The following AGGF1 variants were observed in gnomAD, a reference collection of about 807,000 sequenced individuals.
AGGF1 encodes angiogenic factor with G-patch and FHA domains 1.
Under a neutral mutation model 86.5 loss-of-function variants are expected in AGGF1, and 56 were observed. The ratio of observed to expected loss-of-function variants is 0.65; its 90% CI spans 0.52 to 0.81. The LOEUF (loss-of-function observed/expected upper bound fraction) is 0.81. Ranked by LOEUF, AGGF1 falls within the 30% of genes least tolerant of loss-of-function variation. The pLI is 0.00. For synonymous variants in AGGF1, 313 were observed against 297.1 expected (o/e 1.05, Z -0.55); for missense variants, 816 against 850.9 (o/e 0.96, Z 0.51).
chr5:77,047,297 A>G (rs1288631941), intron 6 of AGGF1, among the ~76,000 whole-genome samples: 4 of 152,140 alleles, frequency 2.6e-5, no homozygotes, highest in African/African-American at 9.7e-5. Context: ...TTTATATAGC[A>G]TTTACATTGT....
rs994803665 is a variant in AGGF1, at chr5:77,064,219, G to A, written c.*967G>A. The A allele has an allele frequency of 2.6e-5, 4 of 152,544 alleles. No homozygotes were observed. The highest frequency in any genetic ancestry group is 7.2e-5 in the African/African-American group (3 of 41,438). The allele number at this position is 152,544 out of a possible 1,614,324, so 9.4% of individuals were successfully genotyped here. A position where few individuals can be genotyped will look rare whatever the true frequency, so the allele number is the denominator to read the frequency against. On this transcript the variant is annotated 3_prime_UTR_variant, in exon 14 of 14. Transcript: ENST00000312916. ...GGAGAGCCTCAAATATTAGACAATT[G>A]CAGTGCGGCTTTCTGGGCACAGGTG...
chr5:77,053,847 C>G, intron 9 of AGGF1, 118 bp from the exon 10 acceptor site: 1 of 1,059,782 alleles, frequency 9.4e-7, no homozygotes, highest in Admixed American at 2.0e-5. Flanking sequence ...GTGTCTATTT[C>G]ATTTATAGCT....
chr5:77,035,938 T>G, intron 3 of AGGF1, 195 bp downstream of exon 3: 2 of 572,588 alleles, frequency 3.5e-6, no homozygotes, highest in Non-Finnish European at 6.1e-6. Flanking sequence ...ATGTAGTGGT[T>G]TTCCTACTAC....
rs1747256448 is a variant in AGGF1, at chr5:77,046,539, T to A, written c.1063T>A (p.Ser355Thr). ...PLHENISNSTSFKDEKIMETD... is the reference protein window; with the variant it reads ...PLHENISNSTTFKDEKIMETD... ...TCATGAAAACATCTCTAATTCAACA[T>A]CATTTAAAGATGAGAAAATCATGGA... is the stretch of plus-strand genomic sequence containing the variant. Residue 355 changes from serine to threonine, a missense_variant, in exon 6 of 14, where the codon TCA becomes ACA. Ser to Thr is a moderately conservative substitution (Grantham distance 58, BLOSUM62 1). This residue lies in a region of AGGF1 where 565 missense variants were observed against 585.8 expected (regional missense o/e 0.96). Coordinates refer to ENST00000312916, the MANE Select transcript of AGGF1 (RefSeq NM_018046.5). 1 of 1,613,790 alleles carries A rather than the reference T, an allele frequency of 6.2e-7. No homozygotes were observed. The highest frequency in any genetic ancestry group is 1.3e-5 in the African/African-American group (1 of 74,878).
At chr5:77,042,446 C>T in intron 5 of AGGF1, among the ~76,000 whole-genome samples, 1 of 94,992 alleles carries the variant, frequency 1.1e-5, no homozygotes, top group East Asian at 3.4e-4. Context: ...GGGGGCTGAC[C>T]CCCCCCACCT....
rs187815214 is a variant in AGGF1 at position 77,031,972 on chromosome 5, C to T, written c.210+996C>T. Reference sequence around the variant, plus strand: ...CTTGTTGGCAGGCCCTCTCTGCCAACAGATTATTTCCACATAGTAACTAGT... The same window carrying T: ...CTTGTTGGCAGGCCCTCTCTGCCAATAGATTATTTCCACATAGTAACTAGT... On this transcript the variant is annotated intron_variant, in intron 1 of 13. Transcript: ENST00000312916. Among the ~76,000 whole-genome samples the T allele has an allele frequency of 6.0e-4, 91 of 152,102 alleles. No homozygotes were observed. In the East Asian group the frequency reaches 0.016, roughly 27 times the overall value.
intron 1 of AGGF1, among the ~76,000 whole-genome samples, chr5:77,032,605 A>G (rs1392373081): frequency 6.6e-6 from 1 of 151,980 alleles, no homozygotes; most frequent in East Asian, 1.9e-4. Context: ...CGGGAGCAAA[A>G]TATAACAGCC....
At chr5:77,043,597 C>CTT (rs754545975) in intron 5 of AGGF1, among the ~76,000 whole-genome samples, 10 of 51,032 alleles carry the variant, frequency 2.0e-4, no homozygotes, top group Admixed American at 3.8e-4. Context: ...ACCCCCCCCC[C>CTT]CCCGGATGGC....
At chr5:77,031,173 C>G (rs1015571868) in intron 1 of AGGF1, among the ~76,000 whole-genome samples, 197 bp downstream of exon 1, 2 of 152,250 alleles carry the variant, frequency 1.3e-5, no homozygotes, top group African/African-American at 4.8e-5. Flanking sequence ...TGATTTAAAT[C>G]AATGTCTCGC....
At chr5:77,041,592 A>C (rs772622664) in intron 5 of AGGF1, among the ~76,000 whole-genome samples, 62 of 150,226 alleles carry the variant, frequency 4.1e-4, no homozygotes, top group Non-Finnish European at 8.0e-4. Flanking sequence ...AAAAAGAAGA[A>C]GGCTAGGTTG....
At chr5:77,055,917 G>T (rs1261278673) in intron 11 of AGGF1, among the ~76,000 whole-genome samples, 1 of 152,198 alleles carries the variant, frequency 6.6e-6, no homozygotes, top group Non-Finnish European at 1.5e-5. Context: ...GATCGCTTTA[G>T]ATCAGGAGTT....
intron 9 of AGGF1, among the ~76,000 whole-genome samples, 182 bp from the exon 10 acceptor site, chr5:77,053,783 A>G (rs1333952452): frequency 6.6e-6 from 1 of 152,098 alleles, no homozygotes; most frequent in Admixed American, 6.6e-5. Flanking sequence ...CAATAGTAGT[A>G]CTTTTTTTAT....
rs566419192 is a variant in AGGF1, at chr5:77,060,934, G to A, written c.1845-769G>A. Reference sequence around the variant, plus strand: ...AAACACATTGGTTTGACATTGCTTGGTTATTAACTGAAGGGCTAACAGCAT... The same window carrying A: ...AAACACATTGGTTTGACATTGCTTGATTATTAACTGAAGGGCTAACAGCAT... On this transcript the variant is annotated intron_variant, in intron 12 of 13. Transcript: ENST00000312916. 3.2e-4 allele frequency among the ~76,000 whole-genome samples: 49 copies of A among 152,174 alleles called. No homozygotes were observed. The East Asian group carries it at 9.5e-3, about 29-fold the overall frequency.
chr5:77,040,018 A>G (rs1236743519), intron 5 of AGGF1, among the ~76,000 whole-genome samples: 1 of 152,242 alleles, frequency 6.6e-6, no homozygotes, highest in Admixed American at 6.5e-5. Flanking sequence ...TGCACAGTTC[A>G]TAATAAAAGA....
In AGGF1 at chr5:77,063,431, T is replaced by C. The variant is rs1747603729; in HGVS notation, c.*179T>C. ...CCATTTTTTTAAAACTAATAAATAG[T>C]GACTGAACCAATTTATGCAGTAAAT... is the stretch of plus-strand genomic sequence containing the variant. On this transcript the variant is annotated 3_prime_UTR_variant, in exon 14 of 14. Coordinates refer to ENST00000312916, the MANE Select transcript of AGGF1 (RefSeq NM_018046.5). The C allele has an allele frequency of 1.5e-6, 1 of 656,474 alleles. No individual in the cohort carries two copies. Among genetic ancestry groups the C allele is most frequent in the African/African-American group, 1.8e-5 (1 of 54,674 alleles). The allele number at this position is 656,474 out of a possible 1,614,324, so 40.7% of individuals were successfully genotyped here. A position where few individuals can be genotyped will look rare whatever the true frequency, so the allele number is the denominator to read the frequency against.
At chr5:77,040,470 A>G (rs1247741732) in intron 5 of AGGF1, among the ~76,000 whole-genome samples, 1 of 152,012 alleles carries the variant, frequency 6.6e-6, no homozygotes, top group Non-Finnish European at 1.5e-5. Flanking sequence ...GAGATAACAT[A>G]TTTATTAGGA....
Position 77,052,806 on chromosome 5 carries a change from A to C in AGGF1, c.1466A>C (p.Gln489Pro), listed in dbSNP as rs1747397408. The change falls in exon 9 of 14, where the codon CAG (glutamine) becomes CCG (proline). Residue 489 changes from glutamine to proline, a missense_variant and splice_region_variant. Gln to Pro is a moderately conservative substitution (Grantham distance 76). This residue lies in a region of AGGF1 where 565 missense variants were observed against 585.8 expected (regional missense o/e 0.96). Transcript: ENST00000312916. Reference sequence around the variant, plus strand: ...ATTGTTAATGGAAAACAGATTCTTCAGGTGAGTGTATATGTGTTAATTTGT... The same window carrying C: ...ATTGTTAATGGAAAACAGATTCTTCCGGTGAGTGTATATGTGTTAATTTGT... ...GTIVNGKQIL[Q>P]PKTKCDPYVL... The C allele has an allele frequency of 1.2e-6, 2 of 1,609,556 alleles. No homozygotes were observed.
chr5:77,038,769 G>A (rs1469957266), intron 4 of AGGF1, among the ~76,000 whole-genome samples: 1 of 152,094 alleles, frequency 6.6e-6, no homozygotes, highest in Non-Finnish European at 1.5e-5. Flanking sequence ...ATGGATTTAG[G>A]ATGTAAATAA....
chr5:77,059,037 A>G (rs1375481573), intron 11 of AGGF1, among the ~76,000 whole-genome samples: 2 of 152,114 alleles, frequency 1.3e-5, no homozygotes, highest in African/African-American at 2.4e-5. Context: ...AAGTCTCTAC[A>G]TTTCTCCCTT....
Sources: gnomAD v4.1 joint callset for allele counts (sites outside exome capture counted in the v4.1 genomes callset) on GRCh38, gnomAD v4.1.1 for gene constraint, gnomAD v4.1.1 regional missense constraint, MANE v1.5 for transcripts, NCBI Gene and HGNC (gene_info 2026-07-23, HGNC 2026-07-21) for gene names.